Variants in TERF2 observed in about 807,000 individuals in gnomAD.
TERF2 encodes telomeric repeat-binding factor 2.
A neutral mutation model predicts 56.1 loss-of-function variants in TERF2; 16 were observed. That is an observed-to-expected ratio of 0.29 (90% CI 0.19 to 0.43). The LOEUF is 0.43. TERF2 is among the 20% of genes least tolerant of loss of function. The probability of loss-of-function intolerance (pLI) is 1.00; values close to 1 mark genes in which losing one functional copy is unlikely to be tolerated. For missense variants in TERF2, 547 were observed against 712.9 expected (o/e 0.77, Z 2.65); for synonymous variants, 296 against 282.1 (o/e 1.05, Z -0.50).
chr16:69,384,573 G>T lies in TERF2; in HGVS notation c.606+7C>A. ...CAAAGAAAAAAGATATAAAAATAGA[G>T]CCTTACAGCTTCCTTGACCAGTTTT... On this transcript the variant is annotated splice_region_variant and intron_variant, in intron 3 of 9. Coordinates refer to ENST00000254942, the MANE Select transcript of TERF2 (RefSeq NM_005652.5). 6.2e-7 allele frequency: 1 copy of T among 1,612,200 alleles called. No homozygotes were observed.
chr16:69,373,110 G>T (rs2013639070), intron 3 of TERF2, among the ~76,000 whole-genome samples: 2 of 152,116 alleles, frequency 1.3e-5, no homozygotes, highest in African/African-American at 4.8e-5. Context: ...AGTTCTGCTA[G>T]TTCCATTCTG....
chr16:69,363,458 G>C (rs970571711), intron 7 of TERF2, among the ~76,000 whole-genome samples: 1 of 152,148 alleles, frequency 6.6e-6, no homozygotes, highest in Non-Finnish European at 1.5e-5. Context: ...AAGTGGATGG[G>C]GCTGAGATCT....
At position 69,367,204 on chromosome 16, in the gene TERF2, A is replaced by G; in HGVS notation, c.948-5T>C. On this transcript the variant is annotated splice_polypyrimidine_tract_variant and splice_region_variant and intron_variant, in intron 6 of 9. Coordinates refer to ENST00000254942, the MANE Select transcript of TERF2 (RefSeq NM_005652.5). Reference sequence around the variant, plus strand: ...GTTGGAGGATTCCGTAGCTGCCTGCAAATCAAGCATAGGCACAAAGATGTT... The same window carrying G: ...GTTGGAGGATTCCGTAGCTGCCTGCGAATCAAGCATAGGCACAAAGATGTT... The G allele has an allele frequency of 6.3e-7, 1 of 1,597,484 alleles. No homozygotes were observed. The highest frequency in any genetic ancestry group is 8.6e-7 in the Non-Finnish European group (1 of 1,168,994).
chr16:69,363,417 G>A (rs1482728790), intron 7 of TERF2, among the ~76,000 whole-genome samples: 1 of 152,134 alleles, frequency 6.6e-6, no homozygotes, highest in Non-Finnish European at 1.5e-5. Flanking sequence ...TGACTTTCAG[G>A]TGATGTGTTC....
In TERF2 at chr16:69,372,238, A is replaced by T. The variant is rs758418241; in HGVS notation, c.693+31T>A. 23 of 1,502,678 alleles carry T rather than the reference A, an allele frequency of 1.5e-5. No individual in the cohort carries two copies. In the South Asian group the frequency reaches 2.3e-4, roughly 15 times the overall value. The allele number at this position is 1,502,678 out of a possible 1,614,324, so 93.1% of individuals were successfully genotyped here. ...CACAAAAAGCAATGAGATGAATTTA[A>T]GTCACAGGAGCAAAAATGTATCAAA... On this transcript the variant is annotated intron_variant, in intron 4 of 9. Coordinates refer to ENST00000254942, the MANE Select transcript of TERF2 (RefSeq NM_005652.5).
chr16:69,378,451 AGAAAGAAGC>A (rs1221422899), intron 3 of TERF2, among the ~76,000 whole-genome samples: 1 of 152,226 alleles, frequency 6.6e-6, no homozygotes, highest in Non-Finnish European at 1.5e-5. Flanking sequence ...GGCCAGGGCA[AGAAAGAAGC>A]GAAAAAAGAG....
intron 3 of TERF2, among the ~76,000 whole-genome samples, chr16:69,381,476 CT>C (rs1030374437): frequency 6.6e-6 from 1 of 151,608 alleles, no homozygotes; most frequent in Non-Finnish European, 1.5e-5. Context: ...CATACTTCCT[CT>C]TATTTTTTTT....
At chr16:69,373,876 T>C (rs375461024) in intron 3 of TERF2, among the ~76,000 whole-genome samples, 1 of 150,628 alleles carries the variant, frequency 6.6e-6, no homozygotes, top group East Asian at 1.9e-4. Flanking sequence ...ATATTTTTGA[T>C]CTTCACAGGG....
chr16:69,371,267 G>C (rs1364840666), intron 4 of TERF2, among the ~76,000 whole-genome samples: 1 of 151,984 alleles, frequency 6.6e-6, no homozygotes, highest in Non-Finnish European at 1.5e-5. Context: ...GGGAGGTCGA[G>C]GCGGGCGGAT....
chr16:69,371,827 T>C (rs1306882037), intron 4 of TERF2, among the ~76,000 whole-genome samples: 2 of 151,348 alleles, frequency 1.3e-5, no homozygotes, highest in African/African-American at 2.4e-5. Flanking sequence ...AAAAAATAAA[T>C]AAACAAATGA....
At chr16:69,361,741 C>G (rs907499863) in intron 7 of TERF2, among the ~76,000 whole-genome samples, 1 of 151,948 alleles carries the variant, frequency 6.6e-6, no homozygotes, top group African/African-American at 2.4e-5. Context: ...ATCACCACCC[C>G]TCTAAAGAAT....
At chr16:69,374,947 A>G (rs2013721707) in intron 3 of TERF2, among the ~76,000 whole-genome samples, 1 of 151,976 alleles carries the variant, frequency 6.6e-6, no homozygotes, top group East Asian at 2.1e-4. Context: ...CCTGGGCAAC[A>G]GAGTGAGACT....
Position 69,381,083 on chromosome 16 carries a change from GC to G in TERF2, c.606+3496del, listed in dbSNP as rs2013983295. 2.6e-5 allele frequency among the ~76,000 whole-genome samples: 4 copies of G among 152,138 alleles called. No homozygotes were observed. The South Asian group carries it at 8.3e-4, about 32-fold the overall frequency. Reference sequence around the variant, plus strand: ...GCCTCCCAAAGTGCTGGGATTACAGGCGTGAGCCACCGCGCCCAGCCTAAAA... The same window carrying G: ...GCCTCCCAAAGTGCTGGGATTACAGGGTGAGCCACCGCGCCCAGCCTAAAA... On this transcript the variant is annotated intron_variant, in intron 3 of 9. Coordinates refer to ENST00000254942, the MANE Select transcript of TERF2 (RefSeq NM_005652.5).
At chr16:69,358,749 G>T (rs2013016157) in intron 8 of TERF2, among the ~76,000 whole-genome samples, 3 of 152,112 alleles carry the variant, frequency 2.0e-5, no homozygotes, top group South Asian at 4.1e-4. Context: ...ACTTTTAAAG[G>T]ACTAGAGTCA....
At position 69,367,030 on chromosome 16, in the gene TERF2, G is replaced by A. The variant is rs1306145940; in HGVS notation, c.1117C>T (p.Pro373Ser). 4 of 1,614,078 alleles carry A rather than the reference G, an allele frequency of 2.5e-6. No individual in the cohort carries two copies. The highest frequency in any genetic ancestry group is 3.4e-6 in the Non-Finnish European group (4 of 1,180,046). The change falls in exon 7 of 10, where the codon CCC becomes TCC. Residue 373 changes from proline (P) to serine (S), a missense_variant. Physicochemically the swap from Pro to Ser is moderately conservative, Grantham distance 74. This residue lies in a region of TERF2 where 211 missense variants were observed against 236.8 expected (regional missense o/e 0.89). Coordinates refer to ENST00000254942, the MANE Select transcript of TERF2 (RefSeq NM_005652.5). ...GAACTTTCGTTTTCATCTTTTCTGG[G>A]TCTCTTGTTTTTGAGGGCTGGTGAT... Reference protein sequence around the residue: ...PASPALKNKRPRKDENESSAP... With the variant: ...PASPALKNKRSRKDENESSAP...
At chr16:69,371,140 CTT>C (rs1374885249) in intron 4 of TERF2, among the ~76,000 whole-genome samples, 2 of 152,050 alleles carry the variant, frequency 1.3e-5, no homozygotes, top group East Asian at 1.9e-4. Flanking sequence ...TCACCAAACT[CTT>C]TGGTTATACC....
At chr16:69,375,590 G>C (rs1335716596) in intron 3 of TERF2, among the ~76,000 whole-genome samples, 1 of 152,166 alleles carries the variant, frequency 6.6e-6, no homozygotes, top group Non-Finnish European at 1.5e-5. Context: ...TTTGAAATAT[G>C]TAACTAACAC....
At chr16:69,358,319 T>C (rs2012997734) in intron 8 of TERF2, among the ~76,000 whole-genome samples, 1 of 152,076 alleles carries the variant, frequency 6.6e-6, no homozygotes, top group South Asian at 2.1e-4. Context: ...GGCTAATTTT[T>C]GTATTTTTAG....
chr16:69,355,958 C>T lies in TERF2; in HGVS notation c.*940G>A. 1 of 197,712 alleles carries T rather than the reference C, an allele frequency of 5.1e-6. No individual in the cohort carries two copies. The highest frequency in any genetic ancestry group is 1.1e-5 in the Non-Finnish European group (1 of 93,786). 12.2% of individuals were successfully genotyped at this position (197,712 alleles called of 1,614,324 possible). A position where few individuals can be genotyped will look rare whatever the true frequency, so the allele number is the denominator to read the frequency against. ...CTACAATCACCATTTTACCAAAAAA[C>T]ACACTGGTTCAACCACATGAGAAGT... is the stretch of plus-strand genomic sequence containing the variant. On this transcript the variant is annotated 3_prime_UTR_variant, in exon 10 of 10. Coordinates refer to ENST00000254942, the MANE Select transcript of TERF2 (RefSeq NM_005652.5).
Sources: allele counts gnomAD v4.1 joint callset (sites outside exome capture counted in the v4.1 genomes callset), GRCh38; gene constraint gnomAD v4.1.1; regional missense constraint gnomAD v4.1.1; transcripts MANE v1.5; gene names NCBI Gene and HGNC (gene_info 2026-07-23, HGNC 2026-07-21).